Variants in UGGT2 observed in about 807,000 individuals in gnomAD.
UGGT2 encodes the protein UDP-glucose glycoprotein glucosyltransferase 2, also known as UDP-glucose:glycoprotein glucosyltransferase 2.
In UGGT2, 180 loss-of-function variants were observed where a neutral mutation model predicts 192.1. The ratio of observed to expected loss-of-function variants is 0.94; its 90% CI spans 0.83 to 1.06. UGGT2 has a LOEUF of 1.06. Among genes scored for constraint, UGGT2 ranks in the 50% least tolerant of loss-of-function variants. The pLI is 0.00. For missense variants in UGGT2, 1,849 were observed against 1,795.7 expected (o/e 1.03, Z -0.54); for synonymous variants, 580 against 591.0 (o/e 0.98, Z 0.27).
chr13:96,052,681 G>T (rs963100316), intron 1 of UGGT2, among the ~76,000 whole-genome samples: 2 of 152,196 alleles, frequency 1.3e-5, no homozygotes, highest in African/African-American at 4.8e-5. Context: ...GTTCTGCAGA[G>T]TAAATGACAG....
At chr13:95,955,984 A>T (rs565266361) in intron 12 of UGGT2, among the ~76,000 whole-genome samples, 61 of 152,330 alleles carry the variant, frequency 4.0e-4, no homozygotes, top group African/African-American at 1.3e-3. Flanking sequence ...ATAAAATGAG[A>T]TAATTCATTT....
intron 17 of UGGT2, among the ~76,000 whole-genome samples, chr13:95,933,382 G>A (rs998277771): frequency 6.6e-6 from 1 of 152,138 alleles, no homozygotes; most frequent in African/African-American, 2.4e-5. Flanking sequence ...AGGATCTTCT[G>A]TATTTCTATG....
intron 36 of UGGT2, among the ~76,000 whole-genome samples, chr13:95,852,995 G>A (rs1391962319): frequency 1.3e-5 from 2 of 152,190 alleles, no homozygotes; most frequent in Non-Finnish European, 2.9e-5. Flanking sequence ...GAGGGACCAG[G>A]TAGAGGTAAT....
At position 95,916,815 on chromosome 13, in the gene UGGT2, C is replaced by A. The variant is rs573248830; in HGVS notation, c.2295+8865G>T. Among the ~76,000 whole-genome samples the A allele has an allele frequency of 6.6e-5, 10 of 151,976 alleles. No homozygotes were observed. The South Asian group carries it at 1.5e-3, about 22-fold the overall frequency. ...AGGAAAAAATTTCAGAACTTGAAAA[C>A]TATCTTGCTGAAATAAGGCAGGTAG... is the stretch of plus-strand genomic sequence containing the variant. On this transcript the variant is annotated intron_variant, in intron 20 of 38. Transcript: ENST00000376747.
chr13:95,912,147 A>C (rs546122126), intron 20 of UGGT2, among the ~76,000 whole-genome samples: 3 of 152,280 alleles, frequency 2.0e-5, no homozygotes, highest in African/African-American at 7.2e-5. Flanking sequence ...ATGGGCAAAA[A>C]CTGGAAGCAT....
intron 11 of UGGT2, among the ~76,000 whole-genome samples, chr13:95,971,355 A>C (rs1394997045): frequency 6.6e-6 from 1 of 152,138 alleles, no homozygotes; most frequent in African/African-American, 2.4e-5. Context: ...TCCTCTGAAG[A>C]CACAAATATT....
intron 2 of UGGT2, among the ~76,000 whole-genome samples, chr13:96,024,586 A>T (rs1324344741): frequency 6.6e-6 from 1 of 152,202 alleles, no homozygotes; most frequent in Non-Finnish European, 1.5e-5. Context: ...AGGGCCAGCC[A>T]GAGATGGTAA....
chr13:95,832,808 G>A, intron 38 of UGGT2, 119 bp downstream of exon 38: 1 of 1,445,668 alleles, frequency 6.9e-7, no homozygotes, highest in Non-Finnish European at 9.5e-7. Context: ...TTATGCCACA[G>A]ACTTTCTTAA....
intron 38 of UGGT2, chr13:95,809,293 T>A (rs1884465465): frequency 3.9e-6 from 2 of 513,804 alleles, no homozygotes. Context: ...TGATAAGACA[T>A]GGTATAGGAT....
intron 37 of UGGT2, among the ~76,000 whole-genome samples, chr13:95,836,843 G>C (rs1887337694): frequency 6.8e-6 from 1 of 146,576 alleles, no homozygotes; most frequent in South Asian, 2.2e-4. Flanking sequence ...GATAAATCAA[G>C]CCATGAATAT....
At chr13:96,012,122 C>T (rs1484673212) in intron 5 of UGGT2, among the ~76,000 whole-genome samples, 1 of 151,894 alleles carries the variant, frequency 6.6e-6, no homozygotes, top group Non-Finnish European at 1.5e-5. Flanking sequence ...TATATCACTG[C>T]AACAGAATGG....
chr13:95,801,868 A>G (rs1323498481), intron 38 of UGGT2, 56 bp from the exon 39 acceptor site: 47 of 1,598,204 alleles, frequency 2.9e-5, no homozygotes, highest in Non-Finnish European at 3.9e-5. Context: ...AAAATATCTT[A>G]AATATTACTT....
At chr13:95,889,002 T>C (rs539302131) in intron 25 of UGGT2, among the ~76,000 whole-genome samples, 1 of 152,170 alleles carries the variant, frequency 6.6e-6, no homozygotes, top group South Asian at 2.1e-4. Flanking sequence ...TTTATTTTTT[T>C]AGAGACAGGG....
At chr13:95,980,478 C>G (rs2051084233) in intron 10 of UGGT2, among the ~76,000 whole-genome samples, 1 of 152,062 alleles carries the variant, frequency 6.6e-6, no homozygotes, top group Admixed American at 6.6e-5. Flanking sequence ...GGCAAGAGAT[C>G]AAAGACTACA....
chr13:95,887,898 A>C lies in UGGT2; in HGVS notation c.3032T>G (p.Leu1011Ter), dbSNP rs774275487. ...TTTGTTCACTCAGATTTACCTTTCT[A>C]AAGGGGCTTCTGAAAGCCTGCCCCT... ...NCRGRLSEAP[L>*]ESFYRFVLEP... Residue 1011 changes from leucine to a stop codon, truncating the protein, a stop_gained, in exon 26 of 39, where the codon TTA (leucine) becomes TGA (stop). Coordinates refer to ENST00000376747, the MANE Select transcript of UGGT2 (RefSeq NM_020121.4). LOFTEE classifies it high-confidence loss of function. 6.3e-7 allele frequency: 1 copy of C among 1,593,628 alleles called. No homozygotes were observed. The highest frequency in any genetic ancestry group is 1.1e-5 in the South Asian group (1 of 87,156).
chr13:95,981,773 A>G (rs1310181366), intron 10 of UGGT2, among the ~76,000 whole-genome samples: 1 of 152,208 alleles, frequency 6.6e-6, no homozygotes, highest in Non-Finnish European at 1.5e-5. Context: ...ATGCAATTGC[A>G]ATGAATAGTC....
intron 9 of UGGT2, among the ~76,000 whole-genome samples, 158 bp from the exon 10 acceptor site, chr13:95,984,022 A>AT (rs1468457134): frequency 6.6e-6 from 1 of 152,186 alleles, no homozygotes; most frequent in Non-Finnish European, 1.5e-5. Flanking sequence ...TTTAGCTTTC[A>AT]TTTGACAAAA....
At chr13:95,999,433 T>G in intron 5 of UGGT2, 126 bp from the exon 6 acceptor site, 1 of 811,760 alleles carries the variant, frequency 1.2e-6, no homozygotes, top group Non-Finnish European at 1.9e-6. Context: ...TTAATCACTC[T>G]GAAAAATTTG....
Position 96,040,130 on chromosome 13 carries a change from A to T in UGGT2, c.159-8159T>A, listed in dbSNP as rs147066281. Reference sequence around the variant, plus strand: ...TACATTTTGAACTATTTGTTACAGCAGCACCCAACTTTTTGGTCCAAAATC... The same window carrying T: ...TACATTTTGAACTATTTGTTACAGCTGCACCCAACTTTTTGGTCCAAAATC... On this transcript the variant is annotated intron_variant, in intron 1 of 38. Coordinates refer to ENST00000376747, the MANE Select transcript of UGGT2 (RefSeq NM_020121.4). 1.1e-3 allele frequency among the ~76,000 whole-genome samples: 161 copies of T among 152,332 alleles called. 2 individuals carry two copies. Among genetic ancestry groups the T allele is most frequent in the African/African-American group, 3.8e-3 (157 of 41,576 alleles).
Sources: gnomAD v4.1 joint callset for allele counts (sites outside exome capture counted in the v4.1 genomes callset) on GRCh38, gnomAD v4.1.1 for gene constraint, MANE v1.5 for transcripts, NCBI Gene and HGNC (gene_info 2026-07-23, HGNC 2026-07-21) for gene names.